PCIF1: variants seen among roughly 807,000 people sequenced by gnomAD.
PCIF1 encodes the protein mRNA (2'-O-methyladenosine-N(6)-)-methyltransferase.
In PCIF1, 12 loss-of-function variants were observed where a neutral mutation model predicts 86.9. The observed-to-expected ratio is 0.14, with a 90% CI of 0.09 to 0.22. PCIF1 has a LOEUF of 0.22. Among genes scored for constraint, PCIF1 ranks in the 10% least tolerant of loss-of-function variants. PCIF1 has a pLI of 1.00. For missense variants in PCIF1, 701 were observed against 951.1 expected, an observed-to-expected ratio of 0.74 and a Z score of 3.46; for synonymous variants, 397 against 372.0, an observed-to-expected ratio of 1.07 and a Z score of -0.77.
At chr20:45,935,675 G>T (rs374706729) in intron 1 of PCIF1, among the ~76,000 whole-genome samples, 3 of 152,134 alleles carry the variant, frequency 2.0e-5, no homozygotes, top group African/African-American at 7.2e-5. Flanking sequence ...GCAAAAAATG[G>T]GTACATTTTT....
At chr20:45,944,192 C>T in intron 10 of PCIF1, among the ~76,000 whole-genome samples, 1 of 152,118 alleles carries the variant, frequency 6.6e-6, no homozygotes, top group East Asian at 1.9e-4. Context: ...CTGGCCAAAA[C>T]CTATCACTTC....
At chr20:45,937,711 C>T in intron 2 of PCIF1, 126 bp downstream of exon 2, 1 of 397,616 alleles carries the variant, frequency 2.5e-6, no homozygotes, top group Non-Finnish European at 4.4e-6. Context: ...CAGTGGTTCT[C>T]AACCTTTTTG....
chr20:45,934,740 G>C lies in PCIF1; in HGVS notation c.-252G>C. The C allele has an allele frequency of 2.5e-6, 1 of 398,980 alleles. No individual in the cohort carries two copies. The highest frequency in any genetic ancestry group is 1.3e-4 in the South Asian group (1 of 7,874). 24.7% of individuals were successfully genotyped at this position (398,980 alleles called of 1,614,324 possible). ...CAGCGGCGCTGGGGAGGGCGAGGCG[G>C]AGGCGGCAAAACGGGCGGTCGAGCA... On this transcript the variant is annotated 5_prime_UTR_variant, in exon 1 of 17. Transcript: ENST00000372409.
chr20:45,947,871 C>T lies in PCIF1; in HGVS notation c.*116C>T, dbSNP rs1045975465. ...CTGACATATGAAGATTATGGTTCTG[C>T]CAGGGCTCCCCTCCCTGCCTGTCCC... On this transcript the variant is annotated 3_prime_UTR_variant, in exon 17 of 17. Transcript: ENST00000372409. The surrounding 1 kb of genome is among the most constrained non-coding windows in gnomAD (Gnocchi z 5.4). The T allele has an allele frequency of 1.4e-4, 209 of 1,530,412 alleles. No homozygotes were observed. Among genetic ancestry groups the T allele is most frequent in the Non-Finnish European group, 1.8e-4 (202 of 1,146,614 alleles). The allele number at this position is 1,530,412 out of a possible 1,614,324, so 94.8% of individuals were successfully genotyped here.
chr20:45,939,184 G>T (rs1286446688), intron 3 of PCIF1, 31 bp from the exon 4 acceptor site: 1 of 1,613,924 alleles, frequency 6.2e-7, no homozygotes, highest in Non-Finnish European at 8.5e-7. Context: ...GAGCAGTCCT[G>T]ACCCTGGCTG....
intron 2 of PCIF1, among the ~76,000 whole-genome samples, chr20:45,938,342 C>T (rs772250418): frequency 2.6e-5 from 4 of 152,240 alleles, no homozygotes; most frequent in Non-Finnish European, 5.9e-5. Context: ...ATGCCCTTCC[C>T]TAGTGTGCTT....
At chr20:45,934,859 T>C in intron 1 of PCIF1, 55 bp downstream of exon 1, 1 of 397,990 alleles carries the variant, frequency 2.5e-6, no homozygotes, top group Non-Finnish European at 4.4e-6. Flanking sequence ...GGTCTGGGGA[T>C]CCGAAGCTGG....
chr20:45,934,813 C>T lies in PCIF1; in HGVS notation c.-188+9C>T. On this transcript the variant is annotated intron_variant, in intron 1 of 16. Coordinates refer to ENST00000372409, the MANE Select transcript of PCIF1 (RefSeq NM_022104.4). ...CAGTCCGCTCCGGGCAGGTAAGAGTCCCAGGAAGCCATGGTCCCGCAGCGA... is the reference window on the plus strand; with the variant it reads ...CAGTCCGCTCCGGGCAGGTAAGAGTTCCAGGAAGCCATGGTCCCGCAGCGA... 1 of 398,230 alleles carries T rather than the reference C, an allele frequency of 2.5e-6. No homozygotes were observed. The highest frequency in any genetic ancestry group is 4.4e-6 in the Non-Finnish European group (1 of 225,808). The allele number at this position is 398,230 out of a possible 1,614,324, so 24.7% of individuals were successfully genotyped here.
At chr20:45,935,224 C>G (rs1395648163) in intron 1 of PCIF1, among the ~76,000 whole-genome samples, 1 of 151,758 alleles carries the variant, frequency 6.6e-6, no homozygotes, top group Non-Finnish European at 1.5e-5. Flanking sequence ...GAGCTCGCCT[C>G]TCGCCTTCGT....
chr20:45,945,101 A>G, intron 11 of PCIF1, 71 bp downstream of exon 11: 1 of 1,477,418 alleles, frequency 6.8e-7, no homozygotes, highest in Non-Finnish European at 9.0e-7. Context: ...GGGACAAGTG[A>G]GACTGAGCCT....
intron 1 of PCIF1, among the ~76,000 whole-genome samples, chr20:45,935,573 C>G (rs532170802): frequency 1.3e-5 from 2 of 152,124 alleles, no homozygotes; most frequent in African/African-American, 2.4e-5. Context: ...CAGAAGGGCC[C>G]GGAATCCGGG....
Position 45,937,498 on chromosome 20 carries a change from G to C in PCIF1, c.-107G>C, listed in dbSNP as rs2083436588. The C allele has an allele frequency of 2.5e-6, 1 of 398,986 alleles. No individual in the cohort carries two copies. Among genetic ancestry groups the C allele is most frequent in the African/African-American group, 2.1e-5 (1 of 48,626 alleles). The allele number at this position is 398,986 out of a possible 1,614,324, so 24.7% of individuals were successfully genotyped here. The stretch of plus-strand genomic sequence containing the variant: ...TTCGCCTGTGCTGAGTCTTCCTGCA[G>C]GCCTTTCCTTGCCTCTGTGGGACCC... On this transcript the variant is annotated 5_prime_UTR_variant, in exon 2 of 17. Coordinates refer to ENST00000372409, the MANE Select transcript of PCIF1 (RefSeq NM_022104.4).
chr20:45,942,295 T>A (rs1253262889), intron 7 of PCIF1, among the ~76,000 whole-genome samples: 16 of 146,566 alleles, frequency 1.1e-4, no homozygotes, highest in Admixed American at 2.1e-4. Flanking sequence ...TTTTTTTTTT[T>A]ACATTATGTA....
At chr20:45,936,197 C>T (rs1372397374) in intron 1 of PCIF1, among the ~76,000 whole-genome samples, 1 of 152,030 alleles carries the variant, frequency 6.6e-6, no homozygotes. Flanking sequence ...TATTTTGAGA[C>T]GGAGTCTTGC....
chr20:45,947,767 G>T lies in PCIF1; in HGVS notation c.*12G>T. On this transcript the variant is annotated 3_prime_UTR_variant, in exon 17 of 17. Coordinates refer to ENST00000372409, the MANE Select transcript of PCIF1 (RefSeq NM_022104.4). The surrounding 1 kb of genome is among the most constrained non-coding windows in gnomAD (Gnocchi z 5.4). Reference sequence around the variant, plus strand: ...CTCACCCCACTTAACATATCCTGCGGGGAGGAGGAGCCCCAGGGGTGCTAG... The same window carrying T: ...CTCACCCCACTTAACATATCCTGCGTGGAGGAGGAGCCCCAGGGGTGCTAG... 1 of 1,591,554 alleles carries T rather than the reference G, an allele frequency of 6.3e-7. No individual in the cohort carries two copies.
chr20:45,939,422 C>T, intron 4 of PCIF1, 83 bp downstream of exon 4: 1 of 1,579,358 alleles, frequency 6.3e-7, no homozygotes, highest in Non-Finnish European at 8.6e-7. Flanking sequence ...AGCAGCCGTT[C>T]AGTGCCCAGC....
At position 45,944,855 on chromosome 20, in the gene PCIF1, A is replaced by C; in HGVS notation, c.1006-13A>C. ...GCCTCCACTAGCGCCCTGATCCAGAATGTGTCCTCTAGGATCGCCTGGAGC... is the reference window on the plus strand; with the variant it reads ...GCCTCCACTAGCGCCCTGATCCAGACTGTGTCCTCTAGGATCGCCTGGAGC... On this transcript the variant is annotated splice_polypyrimidine_tract_variant and intron_variant, in intron 10 of 16. Coordinates refer to ENST00000372409, the MANE Select transcript of PCIF1 (RefSeq NM_022104.4). 6.2e-7 allele frequency: 1 copy of C among 1,608,770 alleles called. No homozygotes were observed. The highest frequency in any genetic ancestry group is 8.5e-7 in the Non-Finnish European group (1 of 1,176,408).
chr20:45,939,032 G>T lies in PCIF1; in HGVS notation c.33G>T (p.Glu11Asp). ...ATGAGAATCACGGCAGCCCCCGGGA[G>T]GAAGCGTCCCTGCTGAGTCACTCCC... is the stretch of plus-strand genomic sequence containing the variant. MANENHGSPR[E>D]EASLLSHSPG... Residue 11 changes from glutamate (E) to aspartate (D), a missense_variant, in exon 3 of 17, where the codon GAG (glutamate) becomes GAT (aspartate). By Grantham distance (45) the Glu-to-Asp change is conservative. Coordinates refer to ENST00000372409, the MANE Select transcript of PCIF1 (RefSeq NM_022104.4). 6.2e-7 allele frequency: 1 copy of T among 1,614,040 alleles called. No individual in the cohort carries two copies. Among genetic ancestry groups the T allele is most frequent in the Non-Finnish European group, 8.5e-7 (1 of 1,179,982 alleles).
Position 45,941,100 on chromosome 20 carries a change from G to T in PCIF1, c.566G>T (p.Arg189Leu). ...DIQTNAVIKH[R>L]GPSEVLPPHP... ...CAGACCAATGCTGTCATCAAGCACC[G>T]GGGGCCTTCAGAGGTGCTGCCCCCG... is the stretch of plus-strand genomic sequence containing the variant. The change falls in exon 7 of 17, where the codon CGG (arginine) becomes CTG (leucine). Residue 189 changes from arginine to leucine, a missense_variant. Around this residue, in one of 7 missense-constraint regions of PCIF1, gnomAD observed 125 missense variants for 126.8 expected, o/e 0.99. Transcript: ENST00000372409. The T allele has an allele frequency of 6.2e-7, 1 of 1,614,186 alleles. No individual in the cohort carries two copies. The highest frequency in any genetic ancestry group is 1.3e-5 in the African/African-American group (1 of 75,054).
Sources: allele counts gnomAD v4.1 joint callset (sites outside exome capture counted in the v4.1 genomes callset), GRCh38; gene constraint gnomAD v4.1.1; regional missense constraint gnomAD v4.1.1; non-coding constraint Gnocchi (gnomAD v3.1); transcripts MANE v1.5; gene names NCBI Gene and HGNC (gene_info 2026-07-23, HGNC 2026-07-21).